PPFIA3: variants seen among roughly 807,000 people sequenced by gnomAD.
The protein encoded by PPFIA3 is liprin-alpha-3.
A neutral mutation model predicts 145.8 loss-of-function variants in PPFIA3; 26 were observed. The observed-to-expected ratio is 0.18, with a 90% CI of 0.13 to 0.25. The LOEUF (loss-of-function observed/expected upper bound fraction) is 0.25, where lower values mean the gene tolerates loss of function less well. PPFIA3 is among the 10% of genes least tolerant of loss of function. PPFIA3 has a pLI of 1.00. For missense variants in PPFIA3, 1,008 were observed against 1,587.8 expected (o/e 0.63, Z 6.21); for synonymous variants, 645 against 661.4 (o/e 0.98, Z 0.38).
intron 21 of PPFIA3, among the ~76,000 whole-genome samples, chr19:49,144,156 G>A (rs1207455064): frequency 3.3e-5 from 5 of 151,902 alleles, no homozygotes; most frequent in African/African-American, 9.7e-5. Flanking sequence ...GATTATAGGC[G>A]CCCACCACCA....
At position 49,130,121 on chromosome 19, in the gene PPFIA3, G is replaced by A; in HGVS notation, c.657+54G>A. 8 of 1,548,782 alleles carry A rather than the reference G, an allele frequency of 5.2e-6. No homozygotes were observed. The highest frequency in any genetic ancestry group is 7.1e-6 in the Non-Finnish European group (8 of 1,133,530). On this transcript the variant is annotated intron_variant, in intron 6 of 29. Transcript: ENST00000334186. This position sits in a 1 kb window ranked among gnomAD's most constrained non-coding sequence, Gnocchi z 4.5. ...GCTCCATTCAACTCCCTGACTTTGT[G>A]ATAGTGTTTGTAACGTTTGGTATCA... is the stretch of plus-strand genomic sequence containing the variant.
chr19:49,147,306 A>C (rs563855458), intron 23 of PPFIA3, among the ~76,000 whole-genome samples: 1 of 152,134 alleles, frequency 6.6e-6, no homozygotes, highest in Admixed American at 6.6e-5. Flanking sequence ...AGTCTCAGCT[A>C]CTTGGAAGAC....
intron 21 of PPFIA3, 98 bp downstream of exon 21, chr19:49,143,102 A>T (rs1377266531): frequency 8.9e-6 from 12 of 1,345,490 alleles, no homozygotes. Context: ...CCCCTGTCCC[A>T]CGACCCTGCT....
rs1430870711 is a variant in PPFIA3 at position 49,128,119 on chromosome 19, G to A, written c.240+6G>A. 1 of 1,533,424 alleles carries A rather than the reference G, an allele frequency of 6.5e-7. No individual in the cohort carries two copies. The highest frequency in any genetic ancestry group is 2.4e-5 in the East Asian group (1 of 41,728). The allele number at this position is 1,533,424 out of a possible 1,614,324, so 95.0% of individuals were successfully genotyped here. A position where few individuals can be genotyped will look rare whatever the true frequency, so the allele number is the denominator to read the frequency against. On this transcript the variant is annotated splice_donor_region_variant and intron_variant, in intron 2 of 29. Transcript: ENST00000334186. This position sits in a 1 kb window ranked among gnomAD's most constrained non-coding sequence, Gnocchi z 4.1. ...TCAGCATCGCGCTGCCCCAGGTCTGGGCGGGACAGGGGCGGGGCATGAGGG... is the reference window on the plus strand; with the variant it reads ...TCAGCATCGCGCTGCCCCAGGTCTGAGCGGGACAGGGGCGGGGCATGAGGG...
intron 23 of PPFIA3, chr19:49,146,448 G>A: frequency 1.7e-6 from 1 of 574,674 alleles, no homozygotes; most frequent in Non-Finnish European, 3.1e-6. Context: ...GGTTGTGGGG[G>A]CTCTAAGGGG....
Position 49,128,429 on chromosome 19 carries a change from A to G in PPFIA3, c.303A>G (p.Glu101=). The change falls in exon 3 of 30, where the codon GAA becomes GAG. Residue 101 remains glutamate (E), a synonymous_variant. Transcript: ENST00000334186. The surrounding 1 kb of genome is among the most constrained non-coding windows in gnomAD (Gnocchi z 4.1). The stretch of plus-strand genomic sequence containing the variant: ...GGGAGCAGCTGCTGGAGAGGGAGGA[A>G]GAGATTGCAGAGCTGAAGGCGGAAC... ...LCREQLLERE[E]EIAELKAERN... 2.5e-6 allele frequency: 4 copies of G among 1,578,280 alleles called. No homozygotes were observed. Among genetic ancestry groups the G allele is most frequent in the Non-Finnish European group, 2.6e-6 (3 of 1,160,238 alleles).
chr19:49,128,097 G>A lies in PPFIA3; in HGVS notation c.224G>A (p.Ser75Asn), dbSNP rs2122544266. Reference sequence around the variant, plus strand: ...AAGGACTCGCTGCAGCGCCAGCTCAGCATCGCGCTGCCCCAGGTCTGGGCG... The same window carrying A: ...AAGGACTCGCTGCAGCGCCAGCTCAACATCGCGCTGCCCCAGGTCTGGGCG... ...HEKDSLQRQL[S>N]IALPQEFAAL... is the part of the protein sequence containing the mutation. The change falls in exon 2 of 30, where the codon AGC becomes AAC. Residue 75 changes from serine to asparagine, a missense_variant. Coordinates refer to ENST00000334186, the MANE Select transcript of PPFIA3 (RefSeq NM_003660.4). The surrounding 1 kb of genome is among the most constrained non-coding windows in gnomAD (Gnocchi z 4.1). 2 of 1,564,994 alleles carry A rather than the reference G, an allele frequency of 1.3e-6. No homozygotes were observed. Among genetic ancestry groups the A allele is most frequent in the East Asian group, 2.3e-5 (1 of 42,822 alleles).
chr19:49,133,184 C>A lies in PPFIA3; in HGVS notation c.1026+37C>A. 6.3e-7 allele frequency: 1 copy of A among 1,584,312 alleles called. No homozygotes were observed. Among genetic ancestry groups the A allele is most frequent in the Non-Finnish European group, 8.6e-7 (1 of 1,163,978 alleles). On this transcript the variant is annotated intron_variant, in intron 8 of 29. Transcript: ENST00000334186. This position sits in a 1 kb window ranked among gnomAD's most constrained non-coding sequence, Gnocchi z 7.2. ...GCCGGGAGGGGCGATGGGGGCGGTG[C>A]CGGGGCCCAAGTGACCCAGCCCGTC...
Position 49,148,136 on chromosome 19 carries a change from C to T in PPFIA3, c.2889C>T (p.Pro963=). 3 of 1,614,052 alleles carry T rather than the reference C, an allele frequency of 1.9e-6. No individual in the cohort carries two copies. Among genetic ancestry groups the T allele is most frequent in the East Asian group, 2.2e-5 (1 of 44,884 alleles). The change falls in exon 24 of 30, where the codon CCC becomes CCT. Residue 963 remains proline (P), a synonymous_variant. Transcript: ENST00000334186. The part of the protein sequence containing the change: ...NHEWVGNDWL[P]SLGLPQYRSY... ...AGTGGGTGGGGAACGACTGGCTGCC[C>T]AGCCTGGGGCTGCCCCAATACCGCA...
Position 49,149,356 on chromosome 19 carries a change from C to T in PPFIA3, c.3354+31C>T. On this transcript the variant is annotated intron_variant, in intron 27 of 29. Transcript: ENST00000334186. This position sits in a 1 kb window ranked among gnomAD's most constrained non-coding sequence, Gnocchi z 5.7. ...CGCGGCAACAGCTCAGAGGGCTCTG[C>T]TCCCAGCGGCTCCTCGAGAGGCTGA... 1 of 1,611,600 alleles carries T rather than the reference C, an allele frequency of 6.2e-7. No homozygotes were observed.
intron 5 of PPFIA3, 75 bp downstream of exon 5, chr19:49,129,529 T>G: frequency 1.9e-4 from 279 of 1,468,472 alleles, no homozygotes; most frequent in Non-Finnish European, 2.5e-4. Flanking sequence ...GCGGAGCCGG[T>G]TGGGTGGGTT....
Position 49,149,890 on chromosome 19 carries a change from C to A in PPFIA3, c.3526+172C>A. ...CAGGATGAAATGGATAAATCCCACT[C>A]CCCCTTCCCAGGGCGGGAGTGAACT... On this transcript the variant is annotated intron_variant, in intron 28 of 29. Transcript: ENST00000334186. This position sits in a 1 kb window ranked among gnomAD's most constrained non-coding sequence, Gnocchi z 5.7. The A allele has an allele frequency of 2.7e-6, 3 of 1,121,954 alleles. No individual in the cohort carries two copies. Among genetic ancestry groups the A allele is most frequent in the Non-Finnish European group, 3.7e-6 (3 of 800,636 alleles). 69.5% of individuals were successfully genotyped at this position (1,121,954 alleles called of 1,614,324 possible). A position where few individuals can be genotyped will look rare whatever the true frequency, so the allele number is the denominator to read the frequency against.
chr19:49,144,695 CAG>C (rs963029619), intron 21 of PPFIA3, among the ~76,000 whole-genome samples: 27 of 151,244 alleles, frequency 1.8e-4, no homozygotes, highest in Non-Finnish European at 3.1e-4. Flanking sequence ...GCCTGGGTGA[CAG>C]AGAAAGAGTG....
chr19:49,133,895 A>T lies in PPFIA3; in HGVS notation c.1245+16A>T, dbSNP rs374035411. ...GCTGCAGCGGGTGAGGGGGCGGAAG[A>T]CTGCACAGAGGGTGGGGCTTCGAGG... On this transcript the variant is annotated intron_variant, in intron 10 of 29. Coordinates refer to ENST00000334186, the MANE Select transcript of PPFIA3 (RefSeq NM_003660.4). The surrounding 1 kb of genome is among the most constrained non-coding windows in gnomAD (Gnocchi z 7.2). 6.2e-7 allele frequency: 1 copy of T among 1,612,104 alleles called. No individual in the cohort carries two copies. The highest frequency in any genetic ancestry group is 8.5e-7 in the Non-Finnish European group (1 of 1,179,802).
chr19:49,121,730 C>T (rs375503419), intron 1 of PPFIA3, among the ~76,000 whole-genome samples: 2 of 151,878 alleles, frequency 1.3e-5, no homozygotes, highest in South Asian at 2.1e-4. Context: ...GAGCTGAGAT[C>T]GTGCCACTGC....
chr19:49,126,247 C>A (rs567882147), intron 1 of PPFIA3, among the ~76,000 whole-genome samples: 1 of 151,192 alleles, frequency 6.6e-6, no homozygotes, highest in South Asian at 2.1e-4. Context: ...CTTGCCCGGC[C>A]GTTACTGTGT....
At chr19:49,146,402 T>C in intron 23 of PPFIA3, 2 of 628,046 alleles carry the variant, frequency 3.2e-6, no homozygotes, top group East Asian at 2.8e-5. Flanking sequence ...GACTGTTGCA[T>C]AGTCAGCCTT....
chr19:49,121,474 T>A (rs1273413615), intron 1 of PPFIA3, among the ~76,000 whole-genome samples: 2 of 152,084 alleles, frequency 1.3e-5, no homozygotes, highest in African/African-American at 4.8e-5. Flanking sequence ...CAGGCCTGGC[T>A]AATTAAAAAA....
chr19:49,130,151 C>A lies in PPFIA3; in HGVS notation c.657+84C>A. The A allele has an allele frequency of 7.0e-7, 1 of 1,419,746 alleles. No individual in the cohort carries two copies. Among genetic ancestry groups the A allele is most frequent in the Non-Finnish European group, 9.7e-7 (1 of 1,035,450 alleles). 87.9% of individuals were successfully genotyped at this position (1,419,746 alleles called of 1,614,324 possible). A position where few individuals can be genotyped will look rare whatever the true frequency, so the allele number is the denominator to read the frequency against. On this transcript the variant is annotated intron_variant, in intron 6 of 29. Transcript: ENST00000334186. This position sits in a 1 kb window ranked among gnomAD's most constrained non-coding sequence, Gnocchi z 4.5. ...TGTTTGTAACGTTTGGTATCATCCTCACTGGCCCTAAGACGGCTGCACCTG... is the reference window on the plus strand; with the variant it reads ...TGTTTGTAACGTTTGGTATCATCCTAACTGGCCCTAAGACGGCTGCACCTG...
Sources: allele counts gnomAD v4.1 joint callset (sites outside exome capture counted in the v4.1 genomes callset), GRCh38; gene constraint gnomAD v4.1.1; non-coding constraint Gnocchi (gnomAD v3.1); transcripts MANE v1.5; gene names NCBI Gene and HGNC (gene_info 2026-07-23, HGNC 2026-07-21).